TMEM53: variants seen among roughly 807,000 people sequenced by gnomAD.
TMEM53 encodes novel DUF829 domain-containing protein.
Under a neutral mutation model 21.4 loss-of-function variants are expected in TMEM53, and 14 were observed. The ratio of observed to expected loss-of-function variants is 0.65; its 90% CI spans 0.43 to 1.02. The LOEUF (loss-of-function observed/expected upper bound fraction) is 1.02, where lower values mean the gene tolerates loss of function less well. Ranked by LOEUF, TMEM53 falls within the 50% of genes least tolerant of loss-of-function variation. The probability of loss-of-function intolerance (pLI) is 0.00; values close to 1 mark genes in which losing one functional copy is unlikely to be tolerated. For synonymous variants in TMEM53, 148 were observed against 157.4 expected, an observed-to-expected ratio of 0.94 and a Z score of 0.45; for missense variants, 323 against 383.6, an observed-to-expected ratio of 0.84 and a Z score of 1.32.
At chr1:44,674,279 AC>A in intron 1 of TMEM53, 51 bp downstream of exon 1, 1 of 1,567,086 alleles carries the variant, frequency 6.4e-7, no homozygotes, top group South Asian at 1.2e-5. Context: ...CTCGCAACCC[AC>A]AGGTTCATGA....
At chr1:44,666,990 C>T (rs1644954198) in intron 1 of TMEM53, among the ~76,000 whole-genome samples, 1 of 151,948 alleles carries the variant, frequency 6.6e-6, no homozygotes, top group African/African-American at 2.4e-5. Context: ...ACTACAGGCA[C>T]ATGGTACCAC....
intron 2 of TMEM53, among the ~76,000 whole-genome samples, chr1:44,656,595 G>A (rs1458679451): frequency 6.6e-6 from 1 of 152,132 alleles, no homozygotes; most frequent in Non-Finnish European, 1.5e-5. Flanking sequence ...CTCCCTGGCA[G>A]CATCTGGAAT....
chr1:44,667,453 G>A (rs1644959265), intron 1 of TMEM53, among the ~76,000 whole-genome samples: 2 of 151,416 alleles, frequency 1.3e-5, no homozygotes, highest in African/African-American at 4.9e-5. Flanking sequence ...GATTACAGGC[G>A]CCCACCATCA....
chr1:44,654,719 G>A lies in TMEM53; in HGVS notation c.674C>T (p.Ala225Val). Residue 225 changes from alanine to valine, a missense_variant, in exon 3 of 3, where the codon GCC becomes GTC. By Grantham distance (64) the Ala-to-Val change is moderately conservative. Coordinates refer to ENST00000372237, the MANE Select transcript of TMEM53 (RefSeq NM_024587.4). The surrounding 1 kb of genome is among the most constrained non-coding windows in gnomAD (Gnocchi z 7.0). ...CTCCACCATGCGTTCTATGTCTCTG[G>A]CCAGGACTACTTCGTCAGCCCTCGA... The part of the protein sequence containing the change: ...LYSRADEVVL[A>V]RDIERMVEAR... The A allele has an allele frequency of 1.2e-6, 2 of 1,614,118 alleles. No individual in the cohort carries two copies. Among genetic ancestry groups the A allele is most frequent in the Non-Finnish European group, 1.7e-6 (2 of 1,180,024 alleles).
rs201636559 is a variant in TMEM53 at position 44,655,201 on chromosome 1, G to T, written c.192C>A (p.Ile64=). The change falls in exon 3 of 3, where the codon ATC becomes ATA. Residue 64 remains isoleucine, a synonymous_variant. Coordinates refer to ENST00000372237, the MANE Select transcript of TMEM53 (RefSeq NM_024587.4). The surrounding 1 kb of genome is among the most constrained non-coding windows in gnomAD (Gnocchi z 4.4). ...YSAIYHKRGC[I]VIRYTAPWHM... Reference sequence around the variant, plus strand: ...GCCACGGGGCTGTGTATCGGATTACGATGCAGCCCTGGGGAGAGAGGCCTG... The same window carrying T: ...GCCACGGGGCTGTGTATCGGATTACTATGCAGCCCTGGGGAGAGAGGCCTG... 6.2e-7 allele frequency: 1 copy of T among 1,603,624 alleles called. No homozygotes were observed. Among genetic ancestry groups the T allele is most frequent in the African/African-American group, 1.3e-5 (1 of 74,718 alleles).
At chr1:44,656,509 G>A (rs905983847) in intron 2 of TMEM53, among the ~76,000 whole-genome samples, 2 of 152,114 alleles carry the variant, frequency 1.3e-5, no homozygotes, top group African/African-American at 4.8e-5. Context: ...CTCTGAAGAG[G>A]AGGCTGCTTA....
intron 1 of TMEM53, among the ~76,000 whole-genome samples, chr1:44,664,529 G>A (rs1183515957): frequency 1.3e-5 from 2 of 151,612 alleles, no homozygotes; most frequent in African/African-American, 2.4e-5. Context: ...AGGCACATAC[G>A]AAACGGCTTG....
rs570474835 is a variant in TMEM53 at position 44,671,287 on chromosome 1, T to C, written c.61+3044A>G. On this transcript the variant is annotated intron_variant, in intron 1 of 2. Coordinates refer to ENST00000372237, the MANE Select transcript of TMEM53 (RefSeq NM_024587.4). ...ATCGGTGTGGGCAGCCAATAGGTAC[T>C]GGCTGGTAGGATTCCCAGCAGAAGG... 8.4e-3 allele frequency among the ~76,000 whole-genome samples: 1,281 copies of C among 152,340 alleles called. 15 individuals carry two copies. Among genetic ancestry groups the C allele is most frequent in the South Asian group, 0.012 (59 of 4,826 alleles).
rs759769861 is a variant in TMEM53 at position 44,654,848 on chromosome 1, A to G, written c.545T>C (p.Val182Ala). 1 of 1,612,884 alleles carries G rather than the reference A, an allele frequency of 6.2e-7. No individual in the cohort carries two copies. ...LLLVAFALVV[V>A]LFHVLLAPIT... ...GGGAGCAAGCAGGACGTGGAACAGGACGACCACCAGGGCAAAGGCCACCAG... is the reference window on the plus strand; with the variant it reads ...GGGAGCAAGCAGGACGTGGAACAGGGCGACCACCAGGGCAAAGGCCACCAG... The change falls in exon 3 of 3, where the codon GTC becomes GCC. Residue 182 changes from valine (V) to alanine (A), a missense_variant. Val to Ala is a moderately conservative substitution (Grantham distance 64). This residue lies in a region of TMEM53 where 269 missense variants were observed against 334.5 expected (regional missense o/e 0.80). Coordinates refer to ENST00000372237, the MANE Select transcript of TMEM53 (RefSeq NM_024587.4). The surrounding 1 kb of genome is among the most constrained non-coding windows in gnomAD (Gnocchi z 7.0).
chr1:44,661,687 G>A (rs1475975615), intron 1 of TMEM53, among the ~76,000 whole-genome samples: 1 of 152,198 alleles, frequency 6.6e-6, no homozygotes, highest in African/African-American at 2.4e-5. Context: ...AACTGAGGCA[G>A]AGTGAGGTTA....
intron 2 of TMEM53, among the ~76,000 whole-genome samples, chr1:44,656,580 T>C (rs1027826981): frequency 7.2e-5 from 11 of 152,190 alleles, no homozygotes; most frequent in African/African-American, 2.7e-4. Flanking sequence ...CCCCACTGTA[T>C]GTTTCTCCCT....
Position 44,655,250 on chromosome 1 carries a change from G to T in TMEM53, c.184-41C>A. On this transcript the variant is annotated intron_variant, in intron 2 of 2. Coordinates refer to ENST00000372237, the MANE Select transcript of TMEM53 (RefSeq NM_024587.4). The surrounding 1 kb of genome is among the most constrained non-coding windows in gnomAD (Gnocchi z 4.4). ...TGGTCAGTCCTCACAGATGAGGTGGGGGTAGTGGGTACAAGCTAAGGTCAG... is the reference window on the plus strand; with the variant it reads ...TGGTCAGTCCTCACAGATGAGGTGGTGGTAGTGGGTACAAGCTAAGGTCAG... 6.5e-7 allele frequency: 1 copy of T among 1,545,426 alleles called. No homozygotes were observed. Among genetic ancestry groups the T allele is most frequent in the South Asian group, 1.3e-5 (1 of 79,098 alleles).
chr1:44,666,630 TTA>T (rs1441090122), intron 1 of TMEM53, among the ~76,000 whole-genome samples: 1 of 152,168 alleles, frequency 6.6e-6, no homozygotes, highest in East Asian at 1.9e-4. Context: ...GGGGCACATA[TTA>T]TATGACTTCA....
chr1:44,664,366 G>A (rs1053562610), intron 1 of TMEM53, among the ~76,000 whole-genome samples: 4 of 151,196 alleles, frequency 2.6e-5, no homozygotes, highest in Admixed American at 6.6e-5. Context: ...CAGGAGAATC[G>A]CTTGAACCTG....
At chr1:44,674,253 C>T in intron 1 of TMEM53, 78 bp downstream of exon 1, 1 of 1,515,626 alleles carries the variant, frequency 6.6e-7, no homozygotes, top group Non-Finnish European at 8.9e-7. Context: ...GCATGAGGGG[C>T]GGGGCTACAG....
Position 44,655,123 on chromosome 1 carries a change from G to T in TMEM53, c.270C>A (p.Ala90=). 2 of 1,614,198 alleles carry T rather than the reference G, an allele frequency of 1.2e-6. No homozygotes were observed. The highest frequency in any genetic ancestry group is 1.7e-6 in the Non-Finnish European group (2 of 1,180,036). ...SLGIPSLRVL[A]QKLLELLFDY... ...CAAAGAGCAGCTCGAGCAGCTTCTG[G>T]GCCAAAACACGAAGTGAAGGGATAC... is the stretch of plus-strand genomic sequence containing the variant. The change falls in exon 3 of 3, where the codon GCC becomes GCA. Residue 90 remains alanine (A), a synonymous_variant. Coordinates refer to ENST00000372237, the MANE Select transcript of TMEM53 (RefSeq NM_024587.4). This position sits in a 1 kb window ranked among gnomAD's most constrained non-coding sequence, Gnocchi z 4.4.
intron 1 of TMEM53, among the ~76,000 whole-genome samples, chr1:44,671,739 A>T (rs1286365112): frequency 6.6e-6 from 1 of 152,220 alleles, no homozygotes. Flanking sequence ...GACCAGCCTA[A>T]CCAATATGGT....
intron 2 of TMEM53, among the ~76,000 whole-genome samples, chr1:44,657,660 C>A (rs1223976854): frequency 2.0e-5 from 3 of 152,126 alleles, no homozygotes; most frequent in Non-Finnish European, 4.4e-5. Context: ...ACCTCAGACT[C>A]CCAAGTAGCT....
At chr1:44,656,726 A>G (rs1310168500) in intron 2 of TMEM53, among the ~76,000 whole-genome samples, 1 of 152,148 alleles carries the variant, frequency 6.6e-6, no homozygotes, top group African/African-American at 2.4e-5. Flanking sequence ...AAAAGAAAAA[A>G]AAAATGGTTG....
Sources: allele counts gnomAD v4.1 joint callset (sites outside exome capture counted in the v4.1 genomes callset), GRCh38; gene constraint gnomAD v4.1.1; regional missense constraint gnomAD v4.1.1; non-coding constraint Gnocchi (gnomAD v3.1); transcripts MANE v1.5; gene names NCBI Gene and HGNC (gene_info 2026-07-23, HGNC 2026-07-21).